The following PTPRR variants were observed in gnomAD, a reference collection of about 807,000 sequenced individuals.
PTPRR encodes protein tyrosine phosphatase receptor type R, also known as receptor-type tyrosine-protein phosphatase R.
Under a neutral mutation model 77.2 loss-of-function variants are expected in PTPRR, and 38 were observed. The observed-to-expected ratio is 0.49, with a 90% CI of 0.38 to 0.65. PTPRR has a LOEUF of 0.65. PTPRR is among the 30% of genes least tolerant of loss of function. The pLI is 0.00. For synonymous variants in PTPRR, 299 were observed against 283.1 expected (o/e 1.06, Z -0.57); for missense variants, 744 against 799.2 (o/e 0.93, Z 0.83).
chr12:70,856,828 G>A (rs1464966447), intron 2 of PTPRR, among the ~76,000 whole-genome samples: 3 of 151,118 alleles, frequency 2.0e-5, no homozygotes, highest in Non-Finnish European at 3.0e-5. Flanking sequence ...GAGGTGAGGA[G>A]TGGAGTGGGG....
intron 2 of PTPRR, among the ~76,000 whole-genome samples, chr12:70,791,435 G>C (rs1891420027): frequency 6.6e-6 from 1 of 152,118 alleles, no homozygotes; most frequent in Non-Finnish European, 1.5e-5. Flanking sequence ...CCACTAATCA[G>C]ACTCTTTTAG....
At chr12:70,734,296 T>C (rs1889787691) in intron 6 of PTPRR, among the ~76,000 whole-genome samples, 1 of 152,154 alleles carries the variant, frequency 6.6e-6, no homozygotes, top group African/African-American at 2.4e-5. Context: ...ATCAGAGAAT[T>C]TGAATCTCAA....
At chr12:70,834,495 T>C (rs1261129181) in intron 2 of PTPRR, among the ~76,000 whole-genome samples, 1 of 152,324 alleles carries the variant, frequency 6.6e-6, no homozygotes, top group South Asian at 2.1e-4. Flanking sequence ...GAGTTTGGTG[T>C]TGGCATCCAG....
At chr12:70,851,053 C>A (rs1038999603) in intron 2 of PTPRR, among the ~76,000 whole-genome samples, 1 of 151,906 alleles carries the variant, frequency 6.6e-6, no homozygotes, top group African/African-American at 2.4e-5. Context: ...ATATGTTATA[C>A]ATAAGTCATT....
At chr12:70,871,327 C>T (rs1235245060) in intron 2 of PTPRR, among the ~76,000 whole-genome samples, 1 of 152,182 alleles carries the variant, frequency 6.6e-6, no homozygotes, top group East Asian at 1.9e-4. Context: ...GCTCATTCCA[C>T]AAATCACCCT....
rs144274539 is a variant in PTPRR at position 70,800,398 on chromosome 12, G to C, written c.358-35620C>G. Reference sequence around the variant, plus strand: ...TAGGCCAGTGAGTAGGGCAAAAAAGGATGGGGCTAAGAGGAGCAATAAGCA... The same window carrying C: ...TAGGCCAGTGAGTAGGGCAAAAAAGCATGGGGCTAAGAGGAGCAATAAGCA... On this transcript the variant is annotated intron_variant, in intron 2 of 13. Coordinates refer to ENST00000283228, the MANE Select transcript of PTPRR (RefSeq NM_002849.4). Among the ~76,000 whole-genome samples the C allele has an allele frequency of 4.6e-5, 7 of 152,096 alleles. No individual in the cohort carries two copies. In the East Asian group the frequency reaches 1.4e-3, roughly 29 times the overall value.
At chr12:70,728,494 G>GTGTGTATATATATATATATA (rs1565669339) in intron 6 of PTPRR, among the ~76,000 whole-genome samples, 1 of 2,542 alleles carries the variant, frequency 3.9e-4, no homozygotes, top group East Asian at 0.029. Flanking sequence ...ATATATATAT[G>GTGTGTATATATATATATATA]TATGTATGTA....
chr12:70,642,542 A>G (rs1235192420), intron 13 of PTPRR, among the ~76,000 whole-genome samples: 3 of 152,200 alleles, frequency 2.0e-5, no homozygotes, highest in Admixed American at 6.5e-5. Context: ...ATATCATGAT[A>G]TATACTATCT....
At chr12:70,903,215 A>G (rs1394141472) in intron 1 of PTPRR, among the ~76,000 whole-genome samples, 2 of 151,956 alleles carry the variant, frequency 1.3e-5, no homozygotes, top group East Asian at 1.9e-4. Context: ...TCAATAATTT[A>G]TTGTGTATTT....
chr12:70,874,959 G>A (rs890366710), intron 2 of PTPRR, among the ~76,000 whole-genome samples: 94 of 150,676 alleles, frequency 6.2e-4, no homozygotes, highest in African/African-American at 2.3e-3. Flanking sequence ...CCTCACGTTT[G>A]GGAATCTGTT....
chr12:70,852,040 C>T (rs1254040969), intron 2 of PTPRR, among the ~76,000 whole-genome samples: 2 of 151,870 alleles, frequency 1.3e-5, no homozygotes, highest in Admixed American at 6.6e-5. Flanking sequence ...CTAAATCCTT[C>T]GATGAAAGAC....
intron 6 of PTPRR, among the ~76,000 whole-genome samples, chr12:70,718,268 G>GT (rs34571781): frequency 3.4e-3 from 503 of 146,776 alleles, no homozygotes; most frequent in East Asian, 0.012. Flanking sequence ...ATGGTCCACT[G>GT]TTTTTTTTTT....
intron 10 of PTPRR, among the ~76,000 whole-genome samples, chr12:70,682,896 C>A (rs2136729656): frequency 6.6e-6 from 1 of 151,128 alleles, no homozygotes; most frequent in African/African-American, 2.4e-5. Context: ...GAGTATATAA[C>A]CTTATCTACT....
chr12:70,869,190 T>C (rs1483741410), intron 2 of PTPRR, among the ~76,000 whole-genome samples: 1 of 151,742 alleles, frequency 6.6e-6, no homozygotes, highest in African/African-American at 2.4e-5. Context: ...ATAATAATAA[T>C]AAAATTAAAA....
At chr12:70,668,010 T>A (rs533210245) in intron 10 of PTPRR, among the ~76,000 whole-genome samples, 1 of 152,266 alleles carries the variant, frequency 6.6e-6, no homozygotes, top group Non-Finnish European at 1.5e-5. Context: ...ATAAACAGAT[T>A]CAACGTTTTT....
At chr12:70,905,941 G>GGATA (rs1893615258) in intron 1 of PTPRR, among the ~76,000 whole-genome samples, 1 of 151,974 alleles carries the variant, frequency 6.6e-6, no homozygotes, top group African/African-American at 2.4e-5. Flanking sequence ...AGAGATAAAT[G>GGATA]GATAGCATCA....
intron 1 of PTPRR, among the ~76,000 whole-genome samples, chr12:70,908,699 A>C (rs1260928882): frequency 6.6e-6 from 1 of 152,102 alleles, no homozygotes; most frequent in Non-Finnish European, 1.5e-5. Context: ...GTAGCTGGCC[A>C]CTTGAAGAGA....
rs117129928 is a variant in PTPRR at position 70,835,896 on chromosome 12, A to G, written c.357+56783T>C. 6.6e-3 allele frequency among the ~76,000 whole-genome samples: 1,004 copies of G among 152,264 alleles called. 4 individuals are homozygous for G. The highest frequency in any genetic ancestry group is 9.6e-3 in the Non-Finnish European group (652 of 68,000). On this transcript the variant is annotated intron_variant, in intron 2 of 13. Transcript: ENST00000283228. ...ACTTATTTCATTGAAACGGTAGCTC[A>G]GTAAACTCCTACTTAGCTAACATTT...
chr12:70,882,081 G>A (rs535275879), intron 2 of PTPRR, among the ~76,000 whole-genome samples: 48 of 152,192 alleles, frequency 3.2e-4, no homozygotes, highest in African/African-American at 1.1e-3. Flanking sequence ...CCTGGTTAAA[G>A]GTTTTTATTC....
Sources: gnomAD v4.1 joint callset for allele counts (sites outside exome capture counted in the v4.1 genomes callset) on GRCh38, gnomAD v4.1.1 for gene constraint, MANE v1.5 for transcripts, NCBI Gene and HGNC (gene_info 2026-07-23, HGNC 2026-07-21) for gene names.